ZNF536: variants seen among roughly 807,000 people sequenced by gnomAD.
ZNF536 encodes zinc finger protein 536.
A neutral mutation model predicts 84.5 loss-of-function variants in ZNF536; 13 were observed. The observed-to-expected ratio is 0.15, with a 90% CI of 0.10 to 0.24. ZNF536 has a LOEUF of 0.24. Ranked by LOEUF, ZNF536 falls within the 10% of genes least tolerant of loss-of-function variation. ZNF536 has a pLI of 1.00. For synonymous variants in ZNF536, 811 were observed against 742.5 expected (o/e 1.09, Z -1.50); for missense variants, 1,536 against 1,747.5 (o/e 0.88, Z 2.16).
chr19:30,695,574 A>G (rs1003688688), intron 1 of ZNF536, among the ~76,000 whole-genome samples: 4 of 152,144 alleles, frequency 2.6e-5, no homozygotes, highest in African/African-American at 9.7e-5. Context: ...AATTTCTGGT[A>G]GGAACGACAG....
At chr19:30,376,929 G>A (rs1031735587) in intron 1 of ZNF536, among the ~76,000 whole-genome samples, 4 of 152,200 alleles carry the variant, frequency 2.6e-5, no homozygotes, top group Non-Finnish European at 5.9e-5. Context: ...CAGTGGGTAC[G>A]GGGCAGATGG....
At chr19:30,634,094 T>C (rs1194704399) in intron 1 of ZNF536, among the ~76,000 whole-genome samples, 2 of 151,762 alleles carry the variant, frequency 1.3e-5, no homozygotes, top group Non-Finnish European at 2.9e-5. Flanking sequence ...TTCCATTGCA[T>C]CCCTGTGCTA....
chr19:30,259,179 A>C (rs79622295), intron 1 of ZNF536, among the ~76,000 whole-genome samples: 2,836 of 152,280 alleles, frequency 0.019, 93 homozygotes, highest in African/African-American at 0.064. Flanking sequence ...TTTGCACAGA[A>C]TGGGAACTGG....
chr19:30,645,041 C>T (rs1356902366), intron 1 of ZNF536, among the ~76,000 whole-genome samples: 1 of 152,160 alleles, frequency 6.6e-6, no homozygotes, highest in African/African-American at 2.4e-5. Context: ...TGTTTCCTGA[C>T]TTTTTAATGA....
chr19:30,373,673 A>G (rs1418817441), intron 1 of ZNF536, among the ~76,000 whole-genome samples: 1 of 152,238 alleles, frequency 6.6e-6, no homozygotes, highest in East Asian at 1.9e-4. Flanking sequence ...TGGGTCTGAC[A>G]AAGATTGCAT....
intron 2 of ZNF536, among the ~76,000 whole-genome samples, chr19:30,509,239 A>G (rs1413284399): frequency 1.4e-5 from 2 of 144,842 alleles, no homozygotes; most frequent in Non-Finnish European, 3.1e-5. Context: ...AATGTATACA[A>G]TATGTATAAT....
intron 1 of ZNF536, among the ~76,000 whole-genome samples, chr19:30,418,012 G>A (rs905579627): frequency 6.6e-6 from 1 of 152,082 alleles, no homozygotes; most frequent in African/African-American, 2.4e-5. Context: ...GCCTTCCTTA[G>A]TGTTGGGAGT....
At position 30,549,219 on chromosome 19, in the gene ZNF536, C is replaced by T. The variant is rs545401755; in HGVS notation, c.3600C>T (p.Asp1200=). ...AGCCACTGTCTGCCCTCAGCAAAGA[C>T]AGCAGCAGCGATGGCGGGGACAGCC... ...MTKPLSALSK[D]SSSDGGDSLQ... Residue 1200 remains aspartate (D), a synonymous_variant, in exon 4 of 5, where the codon GAC becomes GAT. Coordinates refer to ENST00000355537, the MANE Select transcript of ZNF536 (RefSeq NM_014717.3). 1.4e-5 allele frequency: 22 copies of T among 1,614,112 alleles called. No homozygotes were observed. The highest frequency in any genetic ancestry group is 4.5e-5 in the East Asian group (2 of 44,888).
intron 1 of ZNF536, among the ~76,000 whole-genome samples, chr19:30,608,918 G>A (rs1295540278): frequency 6.6e-6 from 1 of 152,126 alleles, no homozygotes; most frequent in East Asian, 1.9e-4. Context: ...CAGTCCCTTG[G>A]GAGATGTGTT....
rs562441556 is a variant in ZNF536 at position 30,455,086 on chromosome 19, C to T, written c.2170+9354C>T. On this transcript the variant is annotated intron_variant, in intron 2 of 4. Transcript: ENST00000355537. ...AACAAACAAAGTTTCTACTTGGTCTCGTCCACGAGTCCCGTTCACTGACTT... is the reference window on the plus strand; with the variant it reads ...AACAAACAAAGTTTCTACTTGGTCTTGTCCACGAGTCCCGTTCACTGACTT... Among the ~76,000 whole-genome samples the T allele has an allele frequency of 2.1e-4, 32 of 152,224 alleles. No individual in the cohort carries two copies. The East Asian group carries it at 2.9e-3, about 14-fold the overall frequency.
At chr19:30,639,334 G>A (rs975456401) in intron 1 of ZNF536, among the ~76,000 whole-genome samples, 3 of 152,202 alleles carry the variant, frequency 2.0e-5, no homozygotes, top group African/African-American at 4.8e-5. Context: ...TGGTGTACCC[G>A]AAGTATTATC....
chr19:30,365,127 AC>A (rs1281231810), intron 3 of ZNF536, among the ~76,000 whole-genome samples: 1 of 152,250 alleles, frequency 6.6e-6, no homozygotes, highest in African/African-American at 2.4e-5. Context: ...TGAAATGAAC[AC>A]GTAATTATCT....
At chr19:30,703,907 C>CAG (rs1361630250) in intron 1 of ZNF536, among the ~76,000 whole-genome samples, 4 of 152,098 alleles carry the variant, frequency 2.6e-5, no homozygotes, top group Non-Finnish European at 5.9e-5. Context: ...TGCCCAAGGT[C>CAG]AGAGAGAGAG....
At chr19:30,686,564 G>A (rs555527375) in intron 1 of ZNF536, among the ~76,000 whole-genome samples, 58 of 152,334 alleles carry the variant, frequency 3.8e-4, no homozygotes, top group Non-Finnish European at 7.6e-4. Flanking sequence ...AGTGGCTGCC[G>A]TGCTCAGCCA....
At chr19:30,522,532 C>T (rs1386728506) in intron 2 of ZNF536, among the ~76,000 whole-genome samples, 2 of 151,780 alleles carry the variant, frequency 1.3e-5, no homozygotes, top group Non-Finnish European at 2.9e-5. Context: ...GCATATTTAC[C>T]ATAGCAACCT....
At chr19:30,292,820 T>C (rs1010543458) in intron 2 of ZNF536, among the ~76,000 whole-genome samples, 4 of 152,248 alleles carry the variant, frequency 2.6e-5, no homozygotes, top group African/African-American at 9.6e-5. Flanking sequence ...CCACGCCTTA[T>C]GTTGCATGGC....
chr19:30,382,226 C>A (rs2049049764), intron 1 of ZNF536, among the ~76,000 whole-genome samples: 2 of 152,132 alleles, frequency 1.3e-5, no homozygotes, highest in African/African-American at 4.8e-5. Flanking sequence ...AGAAAGTTGT[C>A]CGATTTGAAT....
intron 1 of ZNF536, among the ~76,000 whole-genome samples, chr19:30,383,843 CTT>C (rs2147216017): frequency 1.9e-5 from 1 of 53,814 alleles, no homozygotes; most frequent in Non-Finnish European, 3.6e-5. Flanking sequence ...TCTTTCCTTC[CTT>C]CCTTCCTTCC....
At chr19:30,457,528 A>G (rs541970888) in intron 2 of ZNF536, among the ~76,000 whole-genome samples, 58 of 152,258 alleles carry the variant, frequency 3.8e-4, no homozygotes, top group Non-Finnish European at 7.1e-4. Flanking sequence ...GCTTTGTTGC[A>G]CCCTACACAC....
Sources: allele counts gnomAD v4.1 joint callset (sites outside exome capture counted in the v4.1 genomes callset), GRCh38; gene constraint gnomAD v4.1.1; transcripts MANE v1.5; gene names NCBI Gene and HGNC (gene_info 2026-07-23, HGNC 2026-07-21).